The following ITSN2 variants were observed in gnomAD, a reference collection of about 807,000 sequenced individuals.
ITSN2 encodes intersectin-2.
ITSN2 carries 156 observed loss-of-function variants against 243.7 expected under a neutral mutation model. The observed-to-expected ratio is 0.64, with a 90% CI of 0.56 to 0.73. ITSN2 has a LOEUF of 0.73. Among genes scored for constraint, ITSN2 ranks in the 30% least tolerant of loss-of-function variants. The pLI is 0.00. For synonymous variants in ITSN2, 703 were observed against 699.9 expected, an observed-to-expected ratio of 1.00 and a Z score of -0.07; for missense variants, 1,801 against 1,996.1, an observed-to-expected ratio of 0.90 and a Z score of 1.86.
chr2:24,227,942 C>G (rs1162794557), intron 29 of ITSN2, among the ~76,000 whole-genome samples: 1 of 151,950 alleles, frequency 6.6e-6, no homozygotes, highest in Non-Finnish European at 1.5e-5. Context: ...ACACAGAGGA[C>G]AGAATGACAA....
intron 31 of ITSN2, among the ~76,000 whole-genome samples, chr2:24,217,156 G>A (rs1434740027): frequency 1.3e-5 from 2 of 152,184 alleles, no homozygotes; most frequent in Non-Finnish European, 2.9e-5. Flanking sequence ...GGCTGAGGCA[G>A]GAGAATGGTG....
At chr2:24,216,257 G>C in intron 31 of ITSN2, 25 bp from the exon 32 acceptor site, 1 of 1,530,968 alleles carries the variant, frequency 6.5e-7, no homozygotes, top group African/African-American at 1.4e-5. Context: ...CTCTCATTTT[G>C]TGTTTCTAAG....
At position 24,252,661 on chromosome 2, in the gene ITSN2, GA is replaced by G. The variant is rs1425096584; in HGVS notation, c.2954-151del. On this transcript the variant is annotated intron_variant, in intron 24 of 39. Coordinates refer to ENST00000355123, the MANE Select transcript of ITSN2 (RefSeq NM_006277.3). Reference sequence around the variant, plus strand: ...CCTAACATAAAAAGATCTAAAGGTAGAAAAAGGAACGAAGCAATTATTTAAT... The same window carrying G: ...CCTAACATAAAAAGATCTAAAGGTAGAAAAGGAACGAAGCAATTATTTAAT... 29 of 446,636 alleles carry G rather than the reference GA, an allele frequency of 6.5e-5. No homozygotes were observed. In the East Asian group the frequency reaches 9.4e-4, roughly 14 times the overall value. The allele number at this position is 446,636 out of a possible 1,614,324, so 27.7% of individuals were successfully genotyped here. A position where few individuals can be genotyped will look rare whatever the true frequency, so the allele number is the denominator to read the frequency against.
chr2:24,205,202 G>C lies in ITSN2; in HGVS notation c.4762+12C>G, dbSNP rs1668741483. Reference sequence around the variant, plus strand: ...CAGTTATGTCTGCTGAATGAATCAAGGCAGTATTTACCATTTGGTTTGCAG... The same window carrying C: ...CAGTTATGTCTGCTGAATGAATCAACGCAGTATTTACCATTTGGTTTGCAG... On this transcript the variant is annotated intron_variant, in intron 38 of 39. Coordinates refer to ENST00000355123, the MANE Select transcript of ITSN2 (RefSeq NM_006277.3). 6.8e-6 allele frequency: 11 copies of C among 1,609,522 alleles called. No homozygotes were observed. Among genetic ancestry groups the C allele is most frequent in the Non-Finnish European group, 9.4e-6 (11 of 1,176,150 alleles).
intron 1 of ITSN2, among the ~76,000 whole-genome samples, chr2:24,359,562 T>C (rs1688761067): frequency 6.6e-6 from 1 of 152,214 alleles, no homozygotes; most frequent in East Asian, 1.9e-4. Flanking sequence ...AGCATCTTTC[T>C]ATAGAATACA....
chr2:24,252,859 T>C (rs899189373), intron 24 of ITSN2, among the ~76,000 whole-genome samples: 1 of 152,318 alleles, frequency 6.6e-6, no homozygotes, highest in Non-Finnish European at 1.5e-5. Context: ...GTTATTCAGA[T>C]AATGGAGTCA....
At position 24,328,115 on chromosome 2, in the gene ITSN2, T is replaced by C. The variant is rs1284821393; in HGVS notation, c.-33A>G. On this transcript the variant is annotated splice_region_variant and 5_prime_UTR_variant, in exon 2 of 40. It removes an upstream start codon present in the reference 5' UTR. Coordinates refer to ENST00000355123, the MANE Select transcript of ITSN2 (RefSeq NM_006277.3). ...AGTTTTCCTTGCTAGCTCTCAGCCA[T>C]CTGCAACATAAAAATATTGTGCCGT... 6.2e-7 allele frequency: 1 copy of C among 1,611,696 alleles called. No homozygotes were observed. The highest frequency in any genetic ancestry group is 1.7e-4 in the Middle Eastern group (1 of 6,054).
At chr2:24,300,599 A>C (rs978647882) in intron 11 of ITSN2, among the ~76,000 whole-genome samples, 1 of 152,040 alleles carries the variant, frequency 6.6e-6, no homozygotes, top group Non-Finnish European at 1.5e-5. Context: ...GGCACCTGTA[A>C]TCCCAGCTAC....
intron 20 of ITSN2, among the ~76,000 whole-genome samples, chr2:24,267,480 C>T (rs1310605817): frequency 1.3e-5 from 2 of 151,934 alleles, no homozygotes; most frequent in Non-Finnish European, 2.9e-5. Flanking sequence ...TACATACACA[C>T]ACACACATTT....
At chr2:24,313,109 A>G (rs1683463286) in intron 4 of ITSN2, among the ~76,000 whole-genome samples, 1 of 138,986 alleles carries the variant, frequency 7.2e-6, no homozygotes, top group African/African-American at 2.6e-5. Context: ...TTCTAAAGAG[A>G]GTCTCATTCT....
chr2:24,308,777 A>C, intron 7 of ITSN2, 21 bp from the exon 8 acceptor site: 10 of 1,249,778 alleles, frequency 8.0e-6, no homozygotes, highest in Non-Finnish European at 1.0e-5. Context: ...ATTTATTTAA[A>C]ATTTTTATGT....
intron 8 of ITSN2, among the ~76,000 whole-genome samples, chr2:24,304,694 C>T (rs1682251088): frequency 6.6e-6 from 1 of 152,094 alleles, no homozygotes; most frequent in Non-Finnish European, 1.5e-5. Flanking sequence ...ACTATTTCAG[C>T]TTTTGGACCG....
At chr2:24,250,969 C>T (rs1674020859) in intron 25 of ITSN2, among the ~76,000 whole-genome samples, 1 of 151,918 alleles carries the variant, frequency 6.6e-6, no homozygotes, top group African/African-American at 2.4e-5. Flanking sequence ...GCAGGTGGAT[C>T]ACTGGAGGTC....
chr2:24,334,715 A>G, intron 1 of ITSN2: 1 of 1,586,446 alleles, frequency 6.3e-7, no homozygotes, highest in Non-Finnish European at 8.6e-7. Context: ...GATTGTGCTA[A>G]GGCTTGAGTG....
intron 8 of ITSN2, among the ~76,000 whole-genome samples, chr2:24,305,912 T>C (rs1313055298): frequency 6.6e-6 from 1 of 152,174 alleles, no homozygotes; most frequent in Non-Finnish European, 1.5e-5. Flanking sequence ...CAATGCAAAA[T>C]CACCTCTGTT....
At chr2:24,325,274 GT>G (rs1685040531) in intron 2 of ITSN2, among the ~76,000 whole-genome samples, 1 of 151,968 alleles carries the variant, frequency 6.6e-6, no homozygotes, top group Non-Finnish European at 1.5e-5. Context: ...GCTGGGTGTG[GT>G]GGCTCACACC....
At chr2:24,260,777 A>G (rs6731707) in intron 22 of ITSN2, among the ~76,000 whole-genome samples, 148,677 of 152,032 alleles carry the variant, frequency 0.98, 72,695 homozygotes, top group East Asian at 0.99. Flanking sequence ...GGTGGCAGGC[A>G]CCTGTAATCC....
At chr2:24,335,356 A>T (rs72787358) in intron 1 of ITSN2, among the ~76,000 whole-genome samples, 3,345 of 152,238 alleles carry the variant, frequency 0.022, 64 homozygotes, top group Middle Eastern at 0.034. Context: ...TTTTTAAGAC[A>T]AAGTATCACC....
intron 1 of ITSN2, among the ~76,000 whole-genome samples, chr2:24,337,340 A>ATATATATATATATATG (rs1686548017): frequency 4.4e-5 from 5 of 112,360 alleles, no homozygotes; most frequent in East Asian, 2.4e-4. Flanking sequence ...ATATATATAT[A>ATATATATATATATATG]TATATATATA....
Sources: allele counts gnomAD v4.1 joint callset (sites outside exome capture counted in the v4.1 genomes callset), GRCh38; gene constraint gnomAD v4.1.1; transcripts MANE v1.5; gene names NCBI Gene and HGNC (gene_info 2026-07-23, HGNC 2026-07-21).